Variants in MSRA observed in about 807,000 individuals in gnomAD.
MSRA encodes the protein methionine sulfoxide reductase A.
A neutral mutation model predicts 31.3 loss-of-function variants in MSRA; 54 were observed. The ratio of observed to expected loss-of-function variants is 1.73; its 90% CI spans 1.39 to 2.17. MSRA has a LOEUF of 2.17. MSRA is among the 30% of genes most tolerant of loss of function. The pLI is 0.00. For synonymous variants in MSRA, 169 were observed against 116.5 expected, an observed-to-expected ratio of 1.45 and a Z score of -2.90; for missense variants, 507 against 300.9, an observed-to-expected ratio of 1.69 and a Z score of -5.07.
chr8:10,403,694 G>A (rs571761623), intron 5 of MSRA, among the ~76,000 whole-genome samples: 37 of 152,350 alleles, frequency 2.4e-4, no homozygotes, highest in African/African-American at 8.7e-4. Context: ...GCTCTACTGA[G>A]GCCTTACAAA....
intron 1 of MSRA, among the ~76,000 whole-genome samples, chr8:10,178,357 A>AGG (rs1806240643): frequency 6.6e-6 from 1 of 152,158 alleles, no homozygotes; most frequent in Non-Finnish European, 1.5e-5. Flanking sequence ...CGGGAGGCCT[A>AGG]GGAGGGGAGA....
chr8:10,339,519 T>TTTTC (rs1273718010), intron 5 of MSRA, among the ~76,000 whole-genome samples: 6 of 144,222 alleles, frequency 4.2e-5, no homozygotes, highest in East Asian at 2.0e-4. Flanking sequence ...AAGCAAGGGG[T>TTTTC]TTTCTTTCTT....
At chr8:10,255,876 G>A (rs1324630427) in intron 3 of MSRA, among the ~76,000 whole-genome samples, 1 of 151,924 alleles carries the variant, frequency 6.6e-6, no homozygotes, top group Non-Finnish European at 1.5e-5. Context: ...TAGGTTCACA[G>A]CAAAACTGAG....
Position 10,332,347 on chromosome 8 carries a change from A to T in MSRA, c.543+12358A>T, listed in dbSNP as rs188716268. Among the ~76,000 whole-genome samples the T allele has an allele frequency of 6.9e-3, 1,049 of 152,182 alleles. 20 individuals are homozygous for T. The highest frequency in any genetic ancestry group is 0.012 in the Non-Finnish European group (845 of 67,990). On this transcript the variant is annotated intron_variant, in intron 5 of 5. Coordinates refer to ENST00000317173, the MANE Select transcript of MSRA (RefSeq NM_012331.5). The stretch of plus-strand genomic sequence containing the variant: ...TTACATAGCTCTTCGTCTTTAAAAA[A>T]TTTTTTTTATCTGTGCTTTTGTTTA...
chr8:10,258,409 C>T (rs767939627), intron 3 of MSRA, among the ~76,000 whole-genome samples: 1 of 152,186 alleles, frequency 6.6e-6, no homozygotes, highest in East Asian at 1.9e-4. Flanking sequence ...TGTAAAGGCT[C>T]CTGTCCTACT....
At chr8:10,287,507 C>T (rs1021330708) in intron 3 of MSRA, among the ~76,000 whole-genome samples, 1 of 152,136 alleles carries the variant, frequency 6.6e-6, no homozygotes, top group Admixed American at 6.5e-5. Context: ...AAGTCCAGTG[C>T]AGAGTTCGGA....
chr8:10,301,259 C>G (rs73193550), intron 3 of MSRA, among the ~76,000 whole-genome samples: 2,470 of 152,222 alleles, frequency 0.016, 33 homozygotes, highest in Non-Finnish European at 0.025. Flanking sequence ...CCTGAAAACC[C>G]ACGTTTGTTT....
intron 3 of MSRA, among the ~76,000 whole-genome samples, chr8:10,286,020 G>GT (rs1339455104): frequency 6.6e-6 from 1 of 152,092 alleles, no homozygotes; most frequent in African/African-American, 2.4e-5. Flanking sequence ...GAGCTTCTTG[G>GT]TGCAGGCATG....
At chr8:10,207,811 A>AT in intron 1 of MSRA, 22 bp from the exon 2 acceptor site, 10 of 1,570,736 alleles carry the variant, frequency 6.4e-6, no homozygotes, top group Non-Finnish European at 1.7e-6. Flanking sequence ...TTAAACTTGC[A>AT]TTTCTTTTTT....
intron 1 of MSRA, among the ~76,000 whole-genome samples, chr8:10,159,828 A>T (rs958176572): frequency 6.6e-6 from 1 of 152,212 alleles, no homozygotes; most frequent in African/African-American, 2.4e-5. Flanking sequence ...ATCTCTAAAT[A>T]TCTAACCCAT....
intron 5 of MSRA, among the ~76,000 whole-genome samples, chr8:10,333,013 C>T (rs1465027422): frequency 6.6e-6 from 1 of 152,200 alleles, no homozygotes; most frequent in African/African-American, 2.4e-5. Flanking sequence ...CCAAGTACAT[C>T]AGAAACAGCC....
At chr8:10,328,328 T>A (rs1802497874) in intron 5 of MSRA, among the ~76,000 whole-genome samples, 2 of 140,752 alleles carry the variant, frequency 1.4e-5, no homozygotes, top group African/African-American at 2.6e-5. Context: ...TCAGAAGTCA[T>A]CCCTGCCTCA....
At chr8:10,238,351 A>G (rs910323017) in intron 2 of MSRA, among the ~76,000 whole-genome samples, 1 of 152,080 alleles carries the variant, frequency 6.6e-6, no homozygotes, top group Admixed American at 6.5e-5. Context: ...TTCATTTTTT[A>G]TAGCTCTTGT....
chr8:10,340,951 C>A (rs906025552), intron 5 of MSRA, among the ~76,000 whole-genome samples: 3 of 152,166 alleles, frequency 2.0e-5, no homozygotes, highest in African/African-American at 7.2e-5. Context: ...AGAAAGACAA[C>A]AAATACGTTG....
chr8:10,235,017 G>T (rs1811830961), intron 2 of MSRA, among the ~76,000 whole-genome samples: 1 of 152,022 alleles, frequency 6.6e-6, no homozygotes, highest in African/African-American at 2.4e-5. Flanking sequence ...GTCTCAATTT[G>T]CCAGAAAATT....
intron 3 of MSRA, among the ~76,000 whole-genome samples, chr8:10,251,755 A>G (rs1312051237): frequency 6.6e-6 from 1 of 152,060 alleles, no homozygotes; most frequent in African/African-American, 2.4e-5. Flanking sequence ...AAGAAAAAGT[A>G]TAGGTAATGA....
At chr8:10,283,298 A>C (rs1173701863) in intron 3 of MSRA, among the ~76,000 whole-genome samples, 1 of 152,076 alleles carries the variant, frequency 6.6e-6, no homozygotes, top group Non-Finnish European at 1.5e-5. Context: ...TAAAAATTGC[A>C]CATCATTTTT....
At chr8:10,319,101 T>G (rs903852005) in intron 4 of MSRA, among the ~76,000 whole-genome samples, 3 of 152,188 alleles carry the variant, frequency 2.0e-5, no homozygotes, top group African/African-American at 7.2e-5. Context: ...TGCACAGATT[T>G]TCCCTTAACA....
chr8:10,209,621 A>T (rs939898176), intron 2 of MSRA, among the ~76,000 whole-genome samples: 3 of 152,170 alleles, frequency 2.0e-5, no homozygotes, highest in Admixed American at 1.3e-4. Flanking sequence ...TTCTTCCCCA[A>T]GGCCCTCATT....
Sources: gnomAD v4.1 joint callset for allele counts (sites outside exome capture counted in the v4.1 genomes callset) on GRCh38, gnomAD v4.1.1 for gene constraint, MANE v1.5 for transcripts, NCBI Gene and HGNC (gene_info 2026-07-23, HGNC 2026-07-21) for gene names.